Variants in LRFN5 observed in about 807,000 individuals in gnomAD.
The protein encoded by LRFN5 is leucine-rich repeat and fibronectin type-III domain-containing protein 5.
In LRFN5, 24 loss-of-function variants were observed where a neutral mutation model predicts 45.6. The observed-to-expected ratio is 0.53, with a 90% CI of 0.38 to 0.74. LRFN5 has a LOEUF of 0.74. Ranked by LOEUF, LRFN5 falls within the 30% of genes least tolerant of loss-of-function variation. The pLI is 0.00. For missense variants in LRFN5, 776 were observed against 861.5 expected, an observed-to-expected ratio of 0.90 and a Z score of 1.24; for synonymous variants, 340 against 313.8, an observed-to-expected ratio of 1.08 and a Z score of -0.88.
chr14:41,892,210 G>T (rs1039317320), intron 4 of LRFN5: 6 of 984,880 alleles, frequency 6.1e-6, no homozygotes, highest in Admixed American at 1.2e-4. Flanking sequence ...TCTTTTTCAT[G>T]AAAAATCATT....
At chr14:41,708,691 C>T (rs1393916974) in intron 1 of LRFN5, among the ~76,000 whole-genome samples, 1 of 150,316 alleles carries the variant, frequency 6.7e-6, no homozygotes, top group Non-Finnish European at 1.5e-5. Context: ...TATATTGATC[C>T]CTCCCATTAT....
At chr14:41,807,909 A>C (rs978790074) in intron 2 of LRFN5, among the ~76,000 whole-genome samples, 1 of 151,832 alleles carries the variant, frequency 6.6e-6, no homozygotes, top group African/African-American at 2.4e-5. Flanking sequence ...GAAGTGAATA[A>C]TTTTCACGAT....
intron 1 of LRFN5, among the ~76,000 whole-genome samples, chr14:41,696,701 T>A (rs939463130): frequency 1.3e-5 from 2 of 151,792 alleles, no homozygotes; most frequent in Non-Finnish European, 2.9e-5. Context: ...GTACAAGGAG[T>A]CCATTTTTCC....
chr14:41,716,129 A>G (rs1883483989), intron 1 of LRFN5, among the ~76,000 whole-genome samples: 1 of 152,166 alleles, frequency 6.6e-6, no homozygotes, highest in Non-Finnish European at 1.5e-5. Context: ...TCTAGGCTGC[A>G]CACAGCACGG....
chr14:41,899,988 CT>C (rs1254749590), intron 5 of LRFN5, among the ~76,000 whole-genome samples: 1 of 151,952 alleles, frequency 6.6e-6, no homozygotes, highest in Admixed American at 6.6e-5. Context: ...TCCATCACCC[CT>C]TTTGTTCTCT....
At chr14:41,861,120 G>A (rs1427080357) in intron 2 of LRFN5, among the ~76,000 whole-genome samples, 1 of 152,062 alleles carries the variant, frequency 6.6e-6, no homozygotes, top group African/African-American at 2.4e-5. Flanking sequence ...AGGTTTCCTT[G>A]CTATAAAGAA....
At chr14:41,651,564 CTGA>C (rs1201800395) in intron 1 of LRFN5, among the ~76,000 whole-genome samples, 1 of 152,120 alleles carries the variant, frequency 6.6e-6, no homozygotes, top group Non-Finnish European at 1.5e-5. Context: ...AGTTATGTAT[CTGA>C]TAAGCCTGGA....
At chr14:41,891,115 A>G (rs1450733775) in intron 3 of LRFN5, 135 bp from the exon 4 acceptor site, 2 of 726,736 alleles carry the variant, frequency 2.8e-6, no homozygotes, top group Admixed American at 5.6e-5. Flanking sequence ...ATGAGATTAG[A>G]TCATTTTTCA....
intron 2 of LRFN5, among the ~76,000 whole-genome samples, chr14:41,799,979 G>A (rs1887269044): frequency 6.6e-6 from 1 of 151,826 alleles, no homozygotes; most frequent in African/African-American, 2.4e-5. Context: ...AAAGGGACAG[G>A]GAAGGGAAGG....
intron 1 of LRFN5, among the ~76,000 whole-genome samples, chr14:41,762,780 CTG>C: frequency 6.6e-6 from 1 of 151,946 alleles, no homozygotes; most frequent in Non-Finnish European, 1.5e-5. Flanking sequence ...ATTGAATGAA[CTG>C]TAGTAAAACC....
chr14:41,856,675 A>ATTATTATTATTTTTTTTT, intron 2 of LRFN5, among the ~76,000 whole-genome samples: 11 of 18,336 alleles, frequency 6.0e-4, no homozygotes, highest in Admixed American at 3.6e-3. Context: ...TATTATTATT[A>ATTATTATTATTTTTTTTT]TTTTTTTTTT....
At chr14:41,734,316 T>TTATATATATATATA (rs60855395) in intron 1 of LRFN5, among the ~76,000 whole-genome samples, 448 of 38,746 alleles carry the variant, frequency 0.012, 61 homozygotes, top group South Asian at 0.018. Flanking sequence ...TGGACTGGTT[T>TTATATATATATATA]TATATATATA....
intron 1 of LRFN5, among the ~76,000 whole-genome samples, chr14:41,668,568 G>C (rs1881017189): frequency 6.6e-6 from 1 of 152,054 alleles, no homozygotes; most frequent in Admixed American, 6.6e-5. Flanking sequence ...AACAACATCT[G>C]CTGTTAATTA....
intron 2 of LRFN5, among the ~76,000 whole-genome samples, chr14:41,811,384 A>T (rs1887730266): frequency 6.6e-6 from 1 of 152,100 alleles, no homozygotes; most frequent in South Asian, 2.1e-4. Flanking sequence ...TCTTAAATAT[A>T]TGACTAGATA....
chr14:41,827,330 A>G (rs1051510435), intron 2 of LRFN5, among the ~76,000 whole-genome samples: 1 of 152,060 alleles, frequency 6.6e-6, no homozygotes, highest in Non-Finnish European at 1.5e-5. Context: ...AGATCTGTAC[A>G]TTTATTTCTA....
At chr14:41,789,011 C>T (rs1479086587) in intron 2 of LRFN5, among the ~76,000 whole-genome samples, 5 of 151,898 alleles carry the variant, frequency 3.3e-5, no homozygotes, top group Non-Finnish European at 7.4e-5. Flanking sequence ...TTTAAAAATA[C>T]CTAATTTCCT....
intron 2 of LRFN5, among the ~76,000 whole-genome samples, chr14:41,873,552 T>C (rs1430570284): frequency 1.3e-5 from 2 of 152,068 alleles, no homozygotes; most frequent in Non-Finnish European, 2.9e-5. Flanking sequence ...CCACACACAT[T>C]CTTGGTATTT....
Position 41,886,931 on chromosome 14 carries a change from G to T in LRFN5, c.306G>T (p.Arg102Ser). The T allele has an allele frequency of 6.2e-7, 1 of 1,614,144 alleles. No individual in the cohort carries two copies. Among genetic ancestry groups the T allele is most frequent in the Non-Finnish European group, 8.5e-7 (1 of 1,180,024 alleles). Reference sequence around the variant, plus strand: ...CTTTCGCTGACCTACGAAATTTGAGGGCTTTGCATTTGAATAGCAACAGAT... The same window carrying T: ...CTTTCGCTGACCTACGAAATTTGAGTGCTTTGCATTTGAATAGCAACAGAT... ...PHAFADLRNLRALHLNSNRLT... is the reference protein window; with the variant it reads ...PHAFADLRNLSALHLNSNRLT... The change falls in exon 3 of 6, where the codon AGG (arginine) becomes AGT (serine). Residue 102 changes from arginine to serine, a missense_variant. Around this residue, in one of 2 missense-constraint regions of LRFN5, gnomAD observed 311 missense variants for 405.1 expected, o/e 0.77. Transcript: ENST00000298119.
At chr14:41,888,412 T>C (rs1172453009) in intron 3 of LRFN5, among the ~76,000 whole-genome samples, 3 of 152,162 alleles carry the variant, frequency 2.0e-5, no homozygotes, top group Non-Finnish European at 4.4e-5. Flanking sequence ...ACTTTTGGAA[T>C]TATCTTTAGA....
Sources: allele counts gnomAD v4.1 joint callset (sites outside exome capture counted in the v4.1 genomes callset), GRCh38; gene constraint gnomAD v4.1.1; regional missense constraint gnomAD v4.1.1; transcripts MANE v1.5; gene names NCBI Gene and HGNC (gene_info 2026-07-23, HGNC 2026-07-21).